The following ABHD17B variants were observed in gnomAD, a reference collection of about 807,000 sequenced individuals.
ABHD17B encodes abhydrolase domain containing 17B, depalmitoylase, also known as alpha/beta hydrolase domain-containing protein 17B.
A neutral mutation model predicts 26.2 loss-of-function variants in ABHD17B; 9 were observed. The observed-to-expected ratio is 0.34, with a 90% confidence interval of 0.21 to 0.60. The LOEUF (loss-of-function observed/expected upper bound fraction) is 0.60. Ranked by LOEUF, ABHD17B falls within the 20% of genes least tolerant of loss-of-function variation. The pLI, the probability that ABHD17B is intolerant of heterozygous loss-of-function variation, is 0.80. For missense variants in ABHD17B, 224 were observed against 352.1 expected (o/e 0.64, Z 2.91); for synonymous variants, 127 against 122.3 (o/e 1.04, Z -0.25).
intron 1 of ABHD17B, among the ~76,000 whole-genome samples, chr9:71,905,003 C>A (rs1429691410): frequency 6.6e-6 from 1 of 151,966 alleles, no homozygotes; most frequent in Non-Finnish European, 1.5e-5. Flanking sequence ...TTTTTATAAC[C>A]CCAGTATAGA....
At chr9:71,892,422 A>C (rs1404720228) in intron 1 of ABHD17B, among the ~76,000 whole-genome samples, 1 of 151,920 alleles carries the variant, frequency 6.6e-6, no homozygotes, top group Non-Finnish European at 1.5e-5. Context: ...AGTCCCAGCT[A>C]CTTGGGAGGC....
chr9:71,889,270 T>C (rs998458228), intron 1 of ABHD17B, among the ~76,000 whole-genome samples: 2 of 151,602 alleles, frequency 1.3e-5, no homozygotes, highest in Non-Finnish European at 2.9e-5. Flanking sequence ...TGAGCCGAGA[T>C]TGCACCACTG....
intron 1 of ABHD17B, among the ~76,000 whole-genome samples, chr9:71,894,581 C>T (rs1175425663): frequency 6.6e-6 from 1 of 152,174 alleles, no homozygotes; most frequent in Non-Finnish European, 1.5e-5. Context: ...GCAGTCTGTA[C>T]ATATTATTAA....
chr9:71,890,828 T>C, intron 1 of ABHD17B, among the ~76,000 whole-genome samples: 1 of 152,222 alleles, frequency 6.6e-6, no homozygotes, highest in South Asian at 2.1e-4. Flanking sequence ...TTCAACAAAA[T>C]CCATGTTGTT....
chr9:71,900,408 T>C (rs1010121014), intron 1 of ABHD17B, among the ~76,000 whole-genome samples: 4 of 152,236 alleles, frequency 2.6e-5, no homozygotes, highest in African/African-American at 9.6e-5. Context: ...CTCGTGCCTG[T>C]AATCCCAGCA....
Position 71,865,583 on chromosome 9 carries a change from G to A in ABHD17B, c.*1204C>T, listed in dbSNP as rs750517084. On this transcript the variant is annotated 3_prime_UTR_variant, in exon 4 of 4. Coordinates refer to ENST00000333421, the MANE Select transcript of ABHD17B (RefSeq NM_001025780.3). ...TCCTATTTTTAAAAATAGCTAAAGTGGGCCAGGCGCAGTGGCTCATGCCTG... is the reference window on the plus strand; with the variant it reads ...TCCTATTTTTAAAAATAGCTAAAGTAGGCCAGGCGCAGTGGCTCATGCCTG... 7.1e-6 allele frequency: 7 copies of A among 984,994 alleles called. No homozygotes were observed. Among genetic ancestry groups the A allele is most frequent in the Non-Finnish European group, 8.4e-6 (7 of 829,784 alleles). 61.0% of individuals were successfully genotyped at this position (984,994 alleles called of 1,614,324 possible).
downstream of ABHD17B, among the ~76,000 whole-genome samples, chr9:71,864,440 C>T (rs1205193092): frequency 6.6e-6 from 1 of 151,788 alleles, no homozygotes; most frequent in Non-Finnish European, 1.5e-5. Flanking sequence ...AGGATGGTCT[C>T]GATCTCCTGA....
intron 1 of ABHD17B, among the ~76,000 whole-genome samples, chr9:71,877,996 G>A (rs1344106507): frequency 6.6e-6 from 1 of 152,130 alleles, no homozygotes; most frequent in Non-Finnish European, 1.5e-5. Context: ...CTGGTATAGG[G>A]CAGCAACACA....
intron 1 of ABHD17B, among the ~76,000 whole-genome samples, chr9:71,880,345 C>T (rs943500256): frequency 6.6e-6 from 1 of 151,548 alleles, no homozygotes; most frequent in Non-Finnish European, 1.5e-5. Flanking sequence ...ATGAAAAAAC[C>T]TTAAAAACCT....
chr9:71,897,838 A>C (rs1188867030), intron 1 of ABHD17B, among the ~76,000 whole-genome samples: 1 of 152,180 alleles, frequency 6.6e-6, no homozygotes, highest in African/African-American at 2.4e-5. Flanking sequence ...TTTTCCCTTA[A>C]TCATATGCAT....
chr9:71,900,084 T>C (rs538006422), intron 1 of ABHD17B, among the ~76,000 whole-genome samples: 40 of 152,338 alleles, frequency 2.6e-4, no homozygotes, highest in African/African-American at 9.4e-4. Flanking sequence ...TCATCTTTAA[T>C]TGTAAATAAG....
At chr9:71,863,563 C>T (rs1002062531), downstream of ABHD17B, among the ~76,000 whole-genome samples, 2 of 152,120 alleles carry the variant, frequency 1.3e-5, no homozygotes, top group Non-Finnish European at 2.9e-5. Context: ...ACATCTAGTT[C>T]GACTTTTCAT....
At chr9:71,902,779 T>C (rs1827181370) in intron 1 of ABHD17B, among the ~76,000 whole-genome samples, 1 of 152,138 alleles carries the variant, frequency 6.6e-6, no homozygotes, top group African/African-American at 2.4e-5. Flanking sequence ...AGAAACAAAA[T>C]ATCTAGGTCA....
rs774045476 is a variant in ABHD17B, at chr9:71,874,731, C to T, written c.350G>A (p.Arg117Gln). Residue 117 changes from arginine to glutamine, a missense_variant, in exon 2 of 4, where the codon CGG becomes CAG. Physicochemically the swap from Arg to Gln is conservative, Grantham distance 43. Transcript: ENST00000333421. ...MSSFYIGLGS[R>Q]INCNIFSYDY... ...ATATGAGAATATATTACAATTAATC[C>T]GTGATCCTAGTCCTATGTAAAAGCT... The T allele has an allele frequency of 1.2e-6, 2 of 1,614,122 alleles. No individual in the cohort carries two copies. Among genetic ancestry groups the T allele is most frequent in the Non-Finnish European group, 1.7e-6 (2 of 1,180,016 alleles).
At chr9:71,880,209 T>C (rs969381995) in intron 1 of ABHD17B, among the ~76,000 whole-genome samples, 2 of 152,168 alleles carry the variant, frequency 1.3e-5, no homozygotes, top group Admixed American at 1.3e-4. Context: ...TAAAATACTT[T>C]CATTAAGTGA....
chr9:71,893,961 G>A (rs921051382), intron 1 of ABHD17B, among the ~76,000 whole-genome samples: 1 of 151,806 alleles, frequency 6.6e-6, no homozygotes, highest in Non-Finnish European at 1.5e-5. Flanking sequence ...GTGGTGGCGG[G>A]CACCTGTAGT....
At chr9:71,907,313 A>G (rs1353357659) in intron 1 of ABHD17B, among the ~76,000 whole-genome samples, 1 of 152,178 alleles carries the variant, frequency 6.6e-6, no homozygotes, top group Non-Finnish European at 1.5e-5. Flanking sequence ...CTAAATAAAG[A>G]TATCTGTATT....
chr9:71,890,665 G>T (rs1162519644), intron 1 of ABHD17B, among the ~76,000 whole-genome samples: 2 of 152,138 alleles, frequency 1.3e-5, no homozygotes, highest in Non-Finnish European at 2.9e-5. Context: ...AAGTGTCAAG[G>T]TGTTTACATT....
intron 1 of ABHD17B, among the ~76,000 whole-genome samples, chr9:71,886,275 A>G (rs2132168350): frequency 6.6e-6 from 1 of 152,248 alleles, no homozygotes; most frequent in Non-Finnish European, 1.5e-5. Context: ...AAGAAGATGA[A>G]GCATCCAAAA....
Sources: gnomAD v4.1 joint callset for allele counts (sites outside exome capture counted in the v4.1 genomes callset) on GRCh38, gnomAD v4.1.1 for gene constraint, MANE v1.5 for transcripts, NCBI Gene and HGNC (gene_info 2026-07-23, HGNC 2026-07-21) for gene names.